TRIM2: variants seen among roughly 807,000 people sequenced by gnomAD.
TRIM2 encodes tripartite motif containing 2.
A neutral mutation model predicts 75.2 loss-of-function variants in TRIM2; 20 were observed. That is an observed-to-expected ratio of 0.27 (90% CI 0.19 to 0.39). The LOEUF (loss-of-function observed/expected upper bound fraction) is 0.39, where lower values mean the gene tolerates loss of function less well. Among genes scored for constraint, TRIM2 ranks in the 10% least tolerant of loss-of-function variants. The pLI is 1.00. For missense variants in TRIM2, 660 were observed against 990.8 expected, an observed-to-expected ratio of 0.67 and a Z score of 4.48; for synonymous variants, 373 against 388.3, an observed-to-expected ratio of 0.96 and a Z score of 0.46.
At chr4:153,185,161 A>ATAAG (rs1732469779) in intron 1 of TRIM2, among the ~76,000 whole-genome samples, 1 of 152,198 alleles carries the variant, frequency 6.6e-6, no homozygotes, top group Admixed American at 6.5e-5. Context: ...TCCAAAACAA[A>ATAAG]TGAGTGAGTG....
intron 1 of TRIM2, among the ~76,000 whole-genome samples, chr4:153,171,508 C>G (rs954995978): frequency 6.6e-6 from 1 of 152,162 alleles, no homozygotes; most frequent in African/African-American, 2.4e-5. Flanking sequence ...ATCACTTGAA[C>G]CCAGGAGGCA....
chr4:153,291,216 A>G lies in TRIM2; in HGVS notation c.454-1766A>G, dbSNP rs746009928. ...AGGTTTTTTCCAAAACACATGTAGT[A>G]TGAGCAAGCTGAGTGCTTTATTCCT... is the stretch of plus-strand genomic sequence containing the variant. On this transcript the variant is annotated intron_variant, in intron 3 of 11. Coordinates refer to ENST00000338700, the MANE Select transcript of TRIM2 (RefSeq NM_015271.5). Among the ~76,000 whole-genome samples the G allele has an allele frequency of 3.9e-5, 6 of 152,340 alleles. No homozygotes were observed. In the East Asian group the frequency reaches 5.8e-4, roughly 15 times the overall value.
chr4:153,221,856 AAGAG>A (rs774815812), intron 1 of TRIM2, among the ~76,000 whole-genome samples: 4 of 118,224 alleles, frequency 3.4e-5, no homozygotes, highest in Non-Finnish European at 5.4e-5. Context: ...GCGAGGAAAG[AAGAG>A]AGAGAGGAAG....
rs927436839 is a variant in TRIM2 at position 153,248,356 on chromosome 4, G to C, written c.31-21979G>C. Among the ~76,000 whole-genome samples the C allele has an allele frequency of 3.3e-5, 5 of 152,182 alleles. No individual in the cohort carries two copies. The highest frequency in any genetic ancestry group is 1.2e-4 in the African/African-American group (5 of 41,440). The stretch of plus-strand genomic sequence containing the variant: ...TTCCTTCTCCTAACAACGCTATGTA[G>C]TCAGTACCCTTGTCATCCCCCGTAC... On this transcript the variant is annotated intron_variant, in intron 1 of 11. Coordinates refer to ENST00000338700, the MANE Select transcript of TRIM2 (RefSeq NM_015271.5). This position sits in a 1 kb window ranked among gnomAD's most constrained non-coding sequence, Gnocchi z 4.0.
chr4:153,153,591 GC>G (rs1483252202), intron 1 of TRIM2, among the ~76,000 whole-genome samples: 1 of 152,236 alleles, frequency 6.6e-6, no homozygotes, highest in Non-Finnish European at 1.5e-5. Context: ...GCCCCGTCCC[GC>G]CCCCGATCTT....
chr4:153,197,034 A>G (rs1733849952), intron 1 of TRIM2, among the ~76,000 whole-genome samples: 1 of 152,184 alleles, frequency 6.6e-6, no homozygotes, highest in Non-Finnish European at 1.5e-5. Context: ...TAGAAAACCC[A>G]TTGGCATGTT....
chr4:153,257,030 C>G (rs1213832911), intron 1 of TRIM2, among the ~76,000 whole-genome samples: 1 of 152,220 alleles, frequency 6.6e-6, no homozygotes, highest in Non-Finnish European at 1.5e-5. Context: ...CTCTCACACT[C>G]ACGCAAAGCT....
rs144227136 is a variant in TRIM2 at position 153,314,639 on chromosome 4, T to C, written c.1511-846T>C. On this transcript the variant is annotated intron_variant, in intron 6 of 11. Coordinates refer to ENST00000338700, the MANE Select transcript of TRIM2 (RefSeq NM_015271.5). ...GTATGGGTGGAAATATTTTCTTGGA[T>C]TAATGAATTTCCTTTTGCCTTTCTT... 3.3e-4 allele frequency among the ~76,000 whole-genome samples: 50 copies of C among 151,874 alleles called. 1 individual carries two copies. The East Asian group carries it at 8.5e-3, about 26-fold the overall frequency.
chr4:153,232,222 G>A (rs1743834725), intron 1 of TRIM2, among the ~76,000 whole-genome samples: 2 of 152,172 alleles, frequency 1.3e-5, no homozygotes, highest in Non-Finnish European at 2.9e-5. Flanking sequence ...CCTTTAAAGA[G>A]TCATGAGTAG....
intron 10 of TRIM2, chr4:153,324,371 G>T: frequency 3.0e-6 from 1 of 336,786 alleles, no homozygotes; most frequent in South Asian, 5.7e-5. Flanking sequence ...ATTTGAAACT[G>T]GTGCAAATGA....
At chr4:153,293,444 C>T (rs1362358795) in intron 4 of TRIM2, among the ~76,000 whole-genome samples, 1 of 152,172 alleles carries the variant, frequency 6.6e-6, no homozygotes, top group Non-Finnish European at 1.5e-5. Context: ...TCCCTGAAAC[C>T]AGGCTCTCTG....
chr4:153,236,668 C>CTTTT (rs550101216), intron 1 of TRIM2, among the ~76,000 whole-genome samples: 1 of 149,796 alleles, frequency 6.7e-6, no homozygotes, highest in Non-Finnish European at 1.5e-5. Context: ...TTTTTCTTTT[C>CTTTT]TTTTCTTTTC....
upstream of TRIM2, among the ~76,000 whole-genome samples, chr4:153,202,563 G>A (rs2149681032): frequency 6.6e-6 from 1 of 152,174 alleles, no homozygotes; most frequent in East Asian, 1.9e-4. Flanking sequence ...GCCGGGCATG[G>A]CGGCATGCGC....
chr4:153,179,007 C>G lies in TRIM2; in HGVS notation c.-49+25737C>G, dbSNP rs186974972. 3.1e-4 allele frequency among the ~76,000 whole-genome samples: 47 copies of G among 152,166 alleles called. No homozygotes were observed. The East Asian group carries it at 7.9e-3, about 26-fold the overall frequency. On this transcript the variant is annotated intron_variant, in intron 1 of 11. Coordinates refer to the TRIM2 transcript ENST00000437508. ...TTGAGACTAGCCTGGGCAACAAACA[C>G]AGTGAGACCTCATCTCTACAAAAAA...
At chr4:153,290,281 A>G (rs6820554) in intron 3 of TRIM2, among the ~76,000 whole-genome samples, 7,468 of 152,286 alleles carry the variant, frequency 0.049, 573 homozygotes, top group African/African-American at 0.17. Context: ...CAAGTAAAAT[A>G]TTTATGATAT....
At chr4:153,319,969 T>A (rs1561009511) in intron 8 of TRIM2, among the ~76,000 whole-genome samples, 1 of 152,186 alleles carries the variant, frequency 6.6e-6, no homozygotes, top group South Asian at 2.1e-4. Context: ...TTTCTCTTTT[T>A]ATTCTAGATA....
Position 153,295,451 on chromosome 4 carries a change from A to T in TRIM2, c.925A>T (p.Asn309Tyr). 6.2e-7 allele frequency: 1 copy of T among 1,614,194 alleles called. No homozygotes were observed. The highest frequency in any genetic ancestry group is 8.5e-7 in the Non-Finnish European group (1 of 1,180,014). The change falls in exon 6 of 12, where the codon AAC becomes TAC. Residue 309 changes from asparagine (N) to tyrosine (Y), a missense_variant. Physicochemically the swap from Asn to Tyr is moderately radical, Grantham distance 143 (BLOSUM62 -2). Transcript: ENST00000338700. This position sits in a 1 kb window ranked among gnomAD's most constrained non-coding sequence, Gnocchi z 7.2. Reference protein sequence around the residue: ...LVKKQMSEKLNELADQDFPLH... With the variant: ...LVKKQMSEKLYELADQDFPLH... ...GAAGAAGCAGATGAGCGAGAAGCTG[A>T]ACGAGCTGGCCGACCAGGACTTCCC...
At position 153,257,228 on chromosome 4, in the gene TRIM2, G is replaced by T. The variant is rs1560896923; in HGVS notation, c.31-13107G>T. 2.6e-5 allele frequency among the ~76,000 whole-genome samples: 4 copies of T among 152,194 alleles called. No individual in the cohort carries two copies. The South Asian group carries it at 6.2e-4, about 24-fold the overall frequency. On this transcript the variant is annotated intron_variant, in intron 1 of 11. Coordinates refer to ENST00000338700, the MANE Select transcript of TRIM2 (RefSeq NM_015271.5). ...CGCCTCTCCCCTGGTGAATCCTGCA[G>T]TCACTTTCTGGTGATGGAGCTCAGC...
rs771730102 is a variant in TRIM2 at position 153,292,993 on chromosome 4, T to C, written c.465T>C (p.Phe155=). 1.9e-6 allele frequency: 3 copies of C among 1,609,224 alleles called. No individual in the cohort carries two copies. The African/African-American group carries it at 4.0e-5, about 21-fold the overall frequency. Reference sequence around the variant, plus strand: ...TGTGTCATCCACAGGTGATGGAATTTTACTGCCAGTCCTGTGAGACTGCCA... The same window carrying C: ...TGTGTCATCCACAGGTGATGGAATTCTACTGCCAGTCCTGTGAGACTGCCA... The part of the protein sequence containing the change: ...CPNHDGNVME[F]YCQSCETAMC... Residue 155 remains phenylalanine, a synonymous_variant, in exon 4 of 12, where the codon TTT becomes TTC. Transcript: ENST00000338700.
Sources: allele counts gnomAD v4.1 joint callset (sites outside exome capture counted in the v4.1 genomes callset), GRCh38; gene constraint gnomAD v4.1.1; non-coding constraint Gnocchi (gnomAD v3.1); transcripts MANE v1.5; gene names NCBI Gene and HGNC (gene_info 2026-07-23, HGNC 2026-07-21).